The following CCDC15 variants were observed in gnomAD, a reference collection of about 807,000 sequenced individuals.
CCDC15 encodes the protein coiled-coil domain-containing protein 15.
A neutral mutation model predicts 114.5 loss-of-function variants in CCDC15; 105 were observed. That is an observed-to-expected ratio of 0.92 (90% confidence interval 0.78 to 1.08). The LOEUF is 1.08. Ranked by LOEUF, CCDC15 falls within the 50% of genes least tolerant of loss-of-function variation. CCDC15 has a pLI of 0.00. For missense variants in CCDC15, 1,105 were observed against 1,093.6 expected, an observed-to-expected ratio of 1.01 and a Z score of -0.15; for synonymous variants, 334 against 377.8, an observed-to-expected ratio of 0.88 and a Z score of 1.34.
intron 6 of CCDC15, among the ~76,000 whole-genome samples, chr11:124,977,856 AT>A (rs1948001933): frequency 6.6e-6 from 1 of 152,224 alleles, no homozygotes; most frequent in South Asian, 2.1e-4. Flanking sequence ...TTTTTAATTA[AT>A]TTTTTAAAAT....
chr11:124,967,279 A>C (rs1317931237), intron 4 of CCDC15, among the ~76,000 whole-genome samples: 2 of 152,122 alleles, frequency 1.3e-5, no homozygotes, highest in Admixed American at 6.6e-5. Context: ...ACACCAATCA[A>C]ACATAGATTT....
At chr11:124,956,445 A>G (rs1024933530) in intron 2 of CCDC15, among the ~76,000 whole-genome samples, 3 of 150,896 alleles carry the variant, frequency 2.0e-5, no homozygotes, top group East Asian at 1.9e-4. Flanking sequence ...CATCTCTGGA[A>G]AAAAAAAAGG....
At chr11:125,023,212 G>T (rs1445817304) in intron 13 of CCDC15, among the ~76,000 whole-genome samples, 1 of 151,868 alleles carries the variant, frequency 6.6e-6, no homozygotes, top group African/African-American at 2.4e-5. Context: ...TTTGTACGAG[G>T]ATACCCATTT....
At chr11:125,028,235 C>T (rs1481290885) in intron 13 of CCDC15, among the ~76,000 whole-genome samples, 2 of 152,062 alleles carry the variant, frequency 1.3e-5, no homozygotes, top group African/African-American at 4.8e-5. Flanking sequence ...ATTGCTTTGG[C>T]TATGTGGGCT....
chr11:124,954,689 T>A (rs775132579), intron 1 of CCDC15, 35 bp from the exon 2 acceptor site: 1 of 1,597,210 alleles, frequency 6.3e-7, no homozygotes. Flanking sequence ...ATGCAGTCAT[T>A]TGAAGATTTT....
chr11:125,037,593 A>T (rs1948784604), intron 13 of CCDC15: 1 of 152,210 alleles, frequency 6.6e-6, no homozygotes, highest in Non-Finnish European at 1.5e-5. Context: ...AGAGCCCATC[A>T]GGCTTCACTT....
chr11:124,967,669 C>T (rs1947807824), intron 4 of CCDC15, among the ~76,000 whole-genome samples: 1 of 152,198 alleles, frequency 6.6e-6, no homozygotes, highest in Non-Finnish European at 1.5e-5. Context: ...CAGCTTTGTT[C>T]CGTTGCTGGC....
At chr11:124,992,246 A>G (rs964829772) in intron 9 of CCDC15, among the ~76,000 whole-genome samples, 24 of 152,244 alleles carry the variant, frequency 1.6e-4, no homozygotes, top group African/African-American at 5.5e-4. Flanking sequence ...TTCCAGAATC[A>G]GTTGACTATT....
chr11:125,037,461 G>A (rs550879511), intron 13 of CCDC15: 10 of 152,320 alleles, frequency 6.6e-5, no homozygotes, highest in Non-Finnish European at 1.0e-4. Flanking sequence ...TGTGTACCAG[G>A]AGACTCTCTG....
chr11:125,035,784 C>G (rs569953135), intron 13 of CCDC15, among the ~76,000 whole-genome samples: 3 of 152,150 alleles, frequency 2.0e-5, no homozygotes, highest in African/African-American at 7.2e-5. Context: ...CAAATAATAT[C>G]TTATAACCTG....
At chr11:124,955,874 TA>T (rs2135423011) in intron 2 of CCDC15, among the ~76,000 whole-genome samples, 1 of 152,354 alleles carries the variant, frequency 6.6e-6, no homozygotes, top group East Asian at 1.9e-4. Context: ...GTGGTATCTC[TA>T]TCTAAGTTCT....
At chr11:124,992,735 CAA>C (rs1420605409) in intron 10 of CCDC15, 48 bp downstream of exon 10, 2 of 1,076,980 alleles carry the variant, frequency 1.9e-6, no homozygotes, top group Non-Finnish European at 2.7e-6. Context: ...AAAAGGGGAA[CAA>C]GCCTAAATCA....
At position 124,987,648 on chromosome 11, in the gene CCDC15, T is replaced by C; in HGVS notation, c.1422T>C (p.Pro474=). 6.2e-7 allele frequency: 1 copy of C among 1,613,658 alleles called. No homozygotes were observed. Among genetic ancestry groups the C allele is most frequent in the East Asian group, 2.2e-5 (1 of 44,834 alleles). ...LPKYQDQNFL[P]KDQNFLSRDQ... is the part of the protein sequence containing the mutation. ...AATATCAGGACCAGAATTTTCTACCTAAGGACCAGAATTTTTTATCTAGAG... is the reference window on the plus strand; with the variant it reads ...AATATCAGGACCAGAATTTTCTACCCAAGGACCAGAATTTTTTATCTAGAG... Residue 474 remains proline (P), a synonymous_variant, in exon 8 of 16, where the codon CCT becomes CCC. Coordinates refer to ENST00000344762, the MANE Select transcript of CCDC15 (RefSeq NM_025004.3).
At chr11:124,966,543 C>T (rs1018604213) in intron 4 of CCDC15, among the ~76,000 whole-genome samples, 8 of 152,000 alleles carry the variant, frequency 5.3e-5, no homozygotes, top group Admixed American at 1.3e-4. Context: ...TGCCTCTGCA[C>T]GTGTGATGGG....
intron 4 of CCDC15, among the ~76,000 whole-genome samples, chr11:124,966,730 C>T (rs1336511102): frequency 6.6e-6 from 1 of 152,136 alleles, no homozygotes; most frequent in Non-Finnish European, 1.5e-5. Flanking sequence ...CAGTTTCTTC[C>T]TAGCATCGAT....
chr11:125,011,447 AG>A (rs1262525324), intron 13 of CCDC15, among the ~76,000 whole-genome samples: 1 of 151,916 alleles, frequency 6.6e-6, no homozygotes, highest in Non-Finnish European at 1.5e-5. Flanking sequence ...CATCTTGGCC[AG>A]GCTGATCTCG....
intron 6 of CCDC15, among the ~76,000 whole-genome samples, 184 bp from the exon 7 acceptor site, chr11:124,986,558 A>T (rs1310844008): frequency 1.3e-5 from 2 of 152,174 alleles, no homozygotes; most frequent in South Asian, 2.1e-4. Flanking sequence ...CACTGTAAAC[A>T]TTGTATAACA....
At chr11:124,962,408 A>G (rs1303645137) in intron 4 of CCDC15, among the ~76,000 whole-genome samples, 2 of 152,244 alleles carry the variant, frequency 1.3e-5, no homozygotes, top group Non-Finnish European at 1.5e-5. Flanking sequence ...TGTCTGGAAT[A>G]TACTTAAATA....
chr11:125,018,603 C>T (rs561155837), intron 13 of CCDC15, among the ~76,000 whole-genome samples: 55 of 152,110 alleles, frequency 3.6e-4, no homozygotes, highest in African/African-American at 1.2e-3. Flanking sequence ...AGAGTTACTT[C>T]TGTAATCCTC....
Sources: allele counts gnomAD v4.1 joint callset (sites outside exome capture counted in the v4.1 genomes callset), GRCh38; gene constraint gnomAD v4.1.1; transcripts MANE v1.5; gene names NCBI Gene and HGNC (gene_info 2026-07-23, HGNC 2026-07-21).